The following SLC35F1 variants were observed in gnomAD, a reference collection of about 807,000 sequenced individuals.
SLC35F1 encodes the protein chromosome 6 open reading frame 169.
Under a neutral mutation model 48.7 loss-of-function variants are expected in SLC35F1, and 14 were observed. The observed-to-expected ratio is 0.29, with a 90% CI of 0.19 to 0.45. The LOEUF (loss-of-function observed/expected upper bound fraction) is 0.45, where lower values mean the gene tolerates loss of function less well. Ranked by LOEUF, SLC35F1 falls within the 20% of genes least tolerant of loss-of-function variation. SLC35F1 has a pLI of 1.00. For synonymous variants in SLC35F1, 190 were observed against 202.2 expected (o/e 0.94, Z 0.51); for missense variants, 404 against 500.0 (o/e 0.81, Z 1.83).
At chr6:118,194,464 T>C (rs1774773917) in intron 2 of SLC35F1, among the ~76,000 whole-genome samples, 3 of 152,160 alleles carry the variant, frequency 2.0e-5, no homozygotes, top group Admixed American at 2.0e-4. Context: ...AGGCCTCATC[T>C]ATTTTTTTTT....
intron 1 of SLC35F1, among the ~76,000 whole-genome samples, chr6:118,021,627 T>C (rs1255477374): frequency 6.6e-6 from 1 of 152,202 alleles, no homozygotes; most frequent in Non-Finnish European, 1.5e-5. Flanking sequence ...AACACAGAGA[T>C]CATGCCTCCA....
intron 1 of SLC35F1, among the ~76,000 whole-genome samples, chr6:118,046,198 A>G (rs1201620548): frequency 6.6e-6 from 1 of 152,198 alleles, no homozygotes; most frequent in East Asian, 1.9e-4. Flanking sequence ...ATACCTTTTC[A>G]TATACTATTC....
At chr6:118,083,255 T>C (rs1354372916) in intron 1 of SLC35F1, among the ~76,000 whole-genome samples, 2 of 152,122 alleles carry the variant, frequency 1.3e-5, no homozygotes, top group Non-Finnish European at 2.9e-5. Context: ...ATTACCAAAC[T>C]GAATTGATGA....
chr6:118,198,839 C>T (rs1046811695), intron 2 of SLC35F1, among the ~76,000 whole-genome samples: 5 of 152,202 alleles, frequency 3.3e-5, no homozygotes, highest in Admixed American at 6.5e-5. Flanking sequence ...CTAATTCCTG[C>T]TTAGTTTCCT....
At chr6:118,124,893 C>T (rs2114408974) in intron 1 of SLC35F1, among the ~76,000 whole-genome samples, 1 of 152,270 alleles carries the variant, frequency 6.6e-6, no homozygotes, top group African/African-American at 2.4e-5. Flanking sequence ...CTTTCCACCA[C>T]TCAATATTCT....
At chr6:118,061,590 G>GTA (rs58046512) in intron 1 of SLC35F1, among the ~76,000 whole-genome samples, 13 of 144,414 alleles carry the variant, frequency 9.0e-5, no homozygotes, top group South Asian at 8.8e-4. Context: ...GTGTGTGTGT[G>GTA]TATATATATA....
At chr6:118,220,453 G>T (rs1775132840) in intron 2 of SLC35F1, among the ~76,000 whole-genome samples, 1 of 152,144 alleles carries the variant, frequency 6.6e-6, no homozygotes, top group Non-Finnish European at 1.5e-5. Context: ...CCTGACAGTT[G>T]GTTCCAGTCA....
intron 1 of SLC35F1, among the ~76,000 whole-genome samples, chr6:117,966,141 C>CCCA (rs1332704852): frequency 7.1e-6 from 1 of 140,392 alleles, no homozygotes; most frequent in Non-Finnish European, 1.6e-5. Context: ...GCCCCCCCCC[C>CCCA]CACTCCCGCC....
chr6:118,008,944 G>A (rs1048902105), intron 1 of SLC35F1, among the ~76,000 whole-genome samples: 3 of 152,064 alleles, frequency 2.0e-5, no homozygotes, highest in Non-Finnish European at 4.4e-5. Flanking sequence ...ATTTCAGATG[G>A]TACTATTATA....
At chr6:118,231,335 C>T (rs1215053603) in intron 2 of SLC35F1, among the ~76,000 whole-genome samples, 1 of 152,160 alleles carries the variant, frequency 6.6e-6, no homozygotes, top group Non-Finnish European at 1.5e-5. Context: ...GATTTCAAAA[C>T]ATTAGCATAT....
At chr6:118,052,952 C>T (rs1772411892) in intron 1 of SLC35F1, among the ~76,000 whole-genome samples, 1 of 151,746 alleles carries the variant, frequency 6.6e-6, no homozygotes, top group South Asian at 2.1e-4. Context: ...AGTGTTTGTC[C>T]TGTTCTCAAA....
intron 2 of SLC35F1, among the ~76,000 whole-genome samples, chr6:118,163,021 G>A (rs987483681): frequency 1.3e-5 from 2 of 150,664 alleles, no homozygotes; most frequent in East Asian, 3.9e-4. Flanking sequence ...GCAGTGGTGC[G>A]ATCTCGAGAG....
intron 2 of SLC35F1, among the ~76,000 whole-genome samples, chr6:118,204,284 A>G (rs560811491): frequency 6.6e-6 from 1 of 152,186 alleles, no homozygotes; most frequent in South Asian, 2.1e-4. Context: ...ATGATAAGGA[A>G]GTGAAAGAGT....
intron 1 of SLC35F1, among the ~76,000 whole-genome samples, chr6:118,098,856 C>A (rs988661461): frequency 6.6e-6 from 1 of 152,106 alleles, no homozygotes; most frequent in Non-Finnish European, 1.5e-5. Flanking sequence ...TAGTAACACA[C>A]ATGAAGAGGA....
chr6:117,955,241 CAGA>C (rs753595661), intron 1 of SLC35F1, among the ~76,000 whole-genome samples: 5 of 152,072 alleles, frequency 3.3e-5, no homozygotes, highest in Non-Finnish European at 5.9e-5. Context: ...TTGCTATTGC[CAGA>C]AGAAGTACCT....
chr6:118,035,929 T>C (rs1772125093), intron 1 of SLC35F1, among the ~76,000 whole-genome samples: 1 of 151,894 alleles, frequency 6.6e-6, no homozygotes, highest in African/African-American at 2.4e-5. Flanking sequence ...CCTGACCTCA[T>C]GATCCGCCCG....
intron 1 of SLC35F1, among the ~76,000 whole-genome samples, chr6:118,045,131 CTTTG>C (rs1312256907): frequency 6.6e-6 from 1 of 152,116 alleles, no homozygotes; most frequent in Non-Finnish European, 1.5e-5. Flanking sequence ...GGAAACAACT[CTTTG>C]TTTGACAAAT....
At chr6:118,179,974 G>A (rs937432491) in intron 2 of SLC35F1, among the ~76,000 whole-genome samples, 1 of 152,152 alleles carries the variant, frequency 6.6e-6, no homozygotes, top group African/African-American at 2.4e-5. Context: ...GTAAATCCAG[G>A]AAACTCTCAG....
At chr6:118,234,767 A>G (rs1775341863) in intron 2 of SLC35F1, among the ~76,000 whole-genome samples, 1 of 152,186 alleles carries the variant, frequency 6.6e-6, no homozygotes, top group Non-Finnish European at 1.5e-5. Flanking sequence ...GAGAATTATT[A>G]TTGTTCCTGA....
Sources: gnomAD v4.1 joint callset for allele counts (sites outside exome capture counted in the v4.1 genomes callset) on GRCh38, gnomAD v4.1.1 for gene constraint, MANE v1.5 for transcripts, NCBI Gene and HGNC (gene_info 2026-07-23, HGNC 2026-07-21) for gene names.